Variants in STIP1 observed in about 807,000 individuals in gnomAD.
STIP1 encodes stress-induced-phosphoprotein 1.
Under a neutral mutation model 77.4 loss-of-function variants are expected in STIP1, and 16 were observed. That is an observed-to-expected ratio of 0.21 (90% CI 0.14 to 0.31). The LOEUF (loss-of-function observed/expected upper bound fraction) is 0.31, where lower values mean the gene tolerates loss of function less well. Ranked by LOEUF, STIP1 falls within the 10% of genes least tolerant of loss-of-function variation. The pLI is 1.00. For synonymous variants in STIP1, 258 were observed against 246.6 expected (o/e 1.05, Z -0.44); for missense variants, 524 against 684.8 (o/e 0.77, Z 2.62).
chr11:64,188,780 G>T (rs1946058084), intron 1 of STIP1, among the ~76,000 whole-genome samples: 3 of 152,220 alleles, frequency 2.0e-5, no homozygotes, highest in Admixed American at 1.3e-4. Flanking sequence ...CAGCAAACTG[G>T]CATGGCAGCT....
chr11:64,187,611 G>A (rs1946039158), intron 1 of STIP1, among the ~76,000 whole-genome samples: 1 of 152,130 alleles, frequency 6.6e-6, no homozygotes, highest in African/African-American at 2.4e-5. Context: ...AAACTTTTTT[G>A]TGCCCATATA....
rs762472866 is a variant in STIP1 at position 64,204,266 on chromosome 11, C to T, written c.*140C>T. 19 of 831,610 alleles carry T rather than the reference C, an allele frequency of 2.3e-5. No homozygotes were observed. The highest frequency in any genetic ancestry group is 3.4e-5 in the Non-Finnish European group (18 of 536,888). 51.5% of individuals were successfully genotyped at this position (831,610 alleles called of 1,614,324 possible). A position where few individuals can be genotyped will look rare whatever the true frequency, so the allele number is the denominator to read the frequency against. On this transcript the variant is annotated 3_prime_UTR_variant, in exon 14 of 14. Transcript: ENST00000305218. Reference sequence around the variant, plus strand: ...TTTATACATAACCCCGGGGAAGACACAGAGACTCGTACCTGCGCTGTTTGT... The same window carrying T: ...TTTATACATAACCCCGGGGAAGACATAGAGACTCGTACCTGCGCTGTTTGT...
At chr11:64,186,036 T>A (rs951573052), upstream of STIP1, 24 of 1,545,350 alleles carry the variant, frequency 1.6e-5, no homozygotes, top group Non-Finnish European at 1.9e-5. Flanking sequence ...AGGGAATTAC[T>A]CCCCGCTGTC....
Position 64,202,859 on chromosome 11 carries a change from C to T in STIP1, c.1246-17C>T, listed in dbSNP as rs1591016291. The T allele has an allele frequency of 6.2e-7, 1 of 1,614,196 alleles. No individual in the cohort carries two copies. The highest frequency in any genetic ancestry group is 1.1e-5 in the South Asian group (1 of 91,080). ...CCAAGGGAATGAGCCTAATTTCTTTCTGTTGCTTCATTCTAGGACTGTGAG... is the reference window on the plus strand; with the variant it reads ...CCAAGGGAATGAGCCTAATTTCTTTTTGTTGCTTCATTCTAGGACTGTGAG... On this transcript the variant is annotated splice_polypyrimidine_tract_variant and intron_variant, in intron 10 of 13. Coordinates refer to ENST00000305218, the MANE Select transcript of STIP1 (RefSeq NM_006819.3).
chr11:64,197,751 TG>T, intron 7 of STIP1, 102 bp from the exon 8 acceptor site: 1 of 1,560,596 alleles, frequency 6.4e-7, no homozygotes, highest in Non-Finnish European at 8.7e-7. Flanking sequence ...CAAAAGGTGT[TG>T]AAGGCAGTGA....
At chr11:64,188,845 C>G (rs1946058577) in intron 1 of STIP1, among the ~76,000 whole-genome samples, 1 of 152,190 alleles carries the variant, frequency 6.6e-6, no homozygotes, top group Admixed American at 6.5e-5. Context: ...CATCTGGAAG[C>G]CATTCCTGAA....
chr11:64,185,978 G>C (rs1349215471), upstream of STIP1: 2 of 1,540,152 alleles, frequency 1.3e-6, no homozygotes, highest in Non-Finnish European at 1.7e-6. Flanking sequence ...GAGATGGGTG[G>C]GTTTATAGAG....
Position 64,194,286 on chromosome 11 carries a change from C to T in STIP1, c.317C>T (p.Pro106Leu). Residue 106 changes from proline to leucine, a missense_variant, in exon 3 of 14, where the codon CCT (proline) becomes CTT (leucine). Pro to Leu is a moderately conservative substitution (Grantham distance 98). Coordinates refer to ENST00000305218, the MANE Select transcript of STIP1 (RefSeq NM_006819.3). ...GGCTTAAAACACGAGGCAAATAACC[C>T]TCAACTGAAAGAGGGTTTACAGAAT... ...EEGLKHEANN[P>L]QLKEGLQNME... 6.2e-7 allele frequency: 1 copy of T among 1,614,152 alleles called. No individual in the cohort carries two copies. Among genetic ancestry groups the T allele is most frequent in the Non-Finnish European group, 8.5e-7 (1 of 1,180,034 alleles).
At chr11:64,198,643 G>T (rs1402697813) in intron 8 of STIP1, among the ~76,000 whole-genome samples, 1 of 152,066 alleles carries the variant, frequency 6.6e-6, no homozygotes, top group Non-Finnish European at 1.5e-5. Flanking sequence ...CACTATGCCT[G>T]GCTGAACCTG....
chr11:64,195,033 C>G (rs1189414062), intron 4 of STIP1, among the ~76,000 whole-genome samples: 2 of 152,198 alleles, frequency 1.3e-5, no homozygotes, highest in African/African-American at 4.8e-5. Flanking sequence ...CGGAAGTATA[C>G]CTAAAACAAC....
In STIP1 at chr11:64,203,414, C is replaced by T. The variant is rs1946243248; in HGVS notation, c.1387-36C>T. 3.7e-6 allele frequency: 6 copies of T among 1,612,792 alleles called. No individual in the cohort carries two copies. The South Asian group carries it at 6.6e-5, about 18-fold the overall frequency. The stretch of plus-strand genomic sequence containing the variant: ...TGCTGAAGCAGTGAGCTGGGTGGTC[C>T]TAACACGCTTCACCTTTGTCTCTTC... On this transcript the variant is annotated intron_variant, in intron 12 of 13. Transcript: ENST00000305218.
Position 64,189,021 on chromosome 11 carries a change from C to T in STIP1, c.9+2751C>T, listed in dbSNP as rs748051520. ...CATGAGGTCAGGAGTTTGAGACCAA[C>T]CTGTCCAGCATGGTGAAACCCCGTC... On this transcript the variant is annotated intron_variant, in intron 1 of 13. Transcript: ENST00000305218. 4.6e-5 allele frequency among the ~76,000 whole-genome samples: 7 copies of T among 152,316 alleles called. No homozygotes were observed. The East Asian group carries it at 1.3e-3, about 29-fold the overall frequency.
chr11:64,192,339 G>A (rs890067505), intron 1 of STIP1, among the ~76,000 whole-genome samples: 3 of 152,102 alleles, frequency 2.0e-5, no homozygotes, highest in Non-Finnish European at 2.9e-5. Flanking sequence ...ACAAAACCCC[G>A]CTGTATCCTT....
rs373174425 is a variant in STIP1, at chr11:64,204,139, C to G, written c.*13C>G. The G allele has an allele frequency of 1.2e-6, 2 of 1,613,862 alleles. No homozygotes were observed. Among genetic ancestry groups the G allele is most frequent in the Non-Finnish European group, 1.7e-6 (2 of 1,179,806 alleles). On this transcript the variant is annotated 3_prime_UTR_variant, in exon 14 of 14. Transcript: ENST00000305218. ...TGCAATTCGGTGATGACTTGTTCAT[C>G]CCCCCTTCCCTTCGCCCTCATGTGG...
Position 64,195,980 on chromosome 11 carries a change from G to A in STIP1, c.672+167G>A, listed in dbSNP as rs1048826566. ...TGGTCTTGAACTTCTGGCCTCAAGC[G>A]ATGCTCCTGCTTCAGCTAGGATTAC... On this transcript the variant is annotated intron_variant, in intron 5 of 13. Transcript: ENST00000305218. 2.0e-5 allele frequency: 18 copies of A among 882,724 alleles called. No individual in the cohort carries two copies. The East Asian group carries it at 2.6e-4, about 13-fold the overall frequency. 54.7% of individuals were successfully genotyped at this position (882,724 alleles called of 1,614,324 possible). A position where few individuals can be genotyped will look rare whatever the true frequency, so the allele number is the denominator to read the frequency against.
chr11:64,191,294 G>A (rs565370651), intron 1 of STIP1, among the ~76,000 whole-genome samples: 3 of 151,606 alleles, frequency 2.0e-5, no homozygotes, highest in African/African-American at 7.3e-5. Context: ...TGGTAACAGA[G>A]TGAGATGCCA....
chr11:64,197,783 G>A, intron 7 of STIP1, 71 bp from the exon 8 acceptor site: 2 of 1,584,788 alleles, frequency 1.3e-6, no homozygotes, highest in Non-Finnish European at 1.7e-6. Flanking sequence ...TCTAGCTGCA[G>A]GTGTGTTTTT....
intron 4 of STIP1, among the ~76,000 whole-genome samples, chr11:64,195,145 G>A (rs186615410): frequency 3.0e-4 from 45 of 151,760 alleles, no homozygotes; most frequent in African/African-American, 9.9e-4. Context: ...ATGGAGTCTC[G>A]CTCTGTCCCC....
chr11:64,186,061 T>C (rs1946010325), upstream of STIP1: 1 of 1,546,594 alleles, frequency 6.5e-7, no homozygotes, highest in Admixed American at 2.0e-5. Context: ...GAGAAGGAAG[T>C]GGAGATGATG....
Sources: gnomAD v4.1 joint callset for allele counts (sites outside exome capture counted in the v4.1 genomes callset) on GRCh38, gnomAD v4.1.1 for gene constraint, MANE v1.5 for transcripts, NCBI Gene and HGNC (gene_info 2026-07-23, HGNC 2026-07-21) for gene names.